CCDC192: variants seen among roughly 807,000 people sequenced by gnomAD.
CCDC192 encodes the protein coiled-coil domain-containing protein 192.
chr5:127,921,786 T>C (rs1753729712), intron 6 of CCDC192, among the ~76,000 whole-genome samples: 1 of 152,184 alleles, frequency 6.6e-6, no homozygotes, highest in South Asian at 2.1e-4. Flanking sequence ...TCTCTCTCCA[T>C]ACTGGGTCAG....
intron 3 of CCDC192, among the ~76,000 whole-genome samples, chr5:127,784,431 G>A (rs1465641968): frequency 2.6e-5 from 4 of 152,212 alleles, no homozygotes; most frequent in Admixed American, 6.5e-5. Flanking sequence ...TTACAGACAT[G>A]AAATGTATCT....
chr5:127,917,024 A>C (rs1054906876), intron 6 of CCDC192, among the ~76,000 whole-genome samples: 2 of 152,142 alleles, frequency 1.3e-5, no homozygotes, highest in Non-Finnish European at 2.9e-5. Context: ...AGCCTCCTCC[A>C]TTTGTTACCT....
intron 3 of CCDC192, 26 bp from the exon 4 acceptor site, chr5:127,797,077 T>C: frequency 5.0e-6 from 2 of 396,826 alleles, no homozygotes; most frequent in Admixed American, 4.4e-5. Context: ...TGTACTTACA[T>C]ACTCTTATAA....
chr5:127,831,074 G>T (rs1160742077), intron 5 of CCDC192, among the ~76,000 whole-genome samples: 1 of 152,100 alleles, frequency 6.6e-6, no homozygotes, highest in Non-Finnish European at 1.5e-5. Flanking sequence ...TGTACAAGCT[G>T]CAGCTCAGCT....
chr5:127,815,830 T>G (rs1229311755), intron 5 of CCDC192, among the ~76,000 whole-genome samples: 1 of 151,058 alleles, frequency 6.6e-6, no homozygotes. Flanking sequence ...GTTGCACCAT[T>G]GCACTCCAGC....
intron 6 of CCDC192, chr5:127,940,751 C>T (rs1754375250): frequency 6.6e-6 from 1 of 152,516 alleles, no homozygotes; most frequent in Non-Finnish European, 1.5e-5. Flanking sequence ...GTCCGGCCCT[C>T]ATTTTTTATT....
At chr5:127,847,260 C>T (rs1437083800) in intron 5 of CCDC192, among the ~76,000 whole-genome samples, 1 of 152,212 alleles carries the variant, frequency 6.6e-6, no homozygotes, top group Non-Finnish European at 1.5e-5. Context: ...ATCCTTGCCT[C>T]CTAGCCATCT....
chr5:127,741,197 A>T (rs752970180), intron 2 of CCDC192, among the ~76,000 whole-genome samples: 2 of 152,042 alleles, frequency 1.3e-5, no homozygotes, highest in Non-Finnish European at 2.9e-5. Context: ...AGTAGCTGGG[A>T]CTGCAGGCAC....
At chr5:127,827,645 A>T (rs1749591416) in intron 5 of CCDC192, among the ~76,000 whole-genome samples, 1 of 152,220 alleles carries the variant, frequency 6.6e-6, no homozygotes, top group Non-Finnish European at 1.5e-5. Flanking sequence ...GTCTATTGTC[A>T]TTAATTCAGC....
chr5:127,801,522 C>G (rs2126979699), intron 5 of CCDC192, among the ~76,000 whole-genome samples: 1 of 152,246 alleles, frequency 6.6e-6, no homozygotes, highest in East Asian at 1.9e-4. Context: ...TAGAATGGAG[C>G]TGCTATCTTT....
At chr5:127,767,732 T>C (rs1253374121) in intron 3 of CCDC192, among the ~76,000 whole-genome samples, 2 of 152,224 alleles carry the variant, frequency 1.3e-5, no homozygotes, top group Non-Finnish European at 2.9e-5. Flanking sequence ...ATTTCAATTA[T>C]TGATTGGCCT....
chr5:127,827,064 A>C (rs939544721), intron 5 of CCDC192, among the ~76,000 whole-genome samples: 7 of 152,232 alleles, frequency 4.6e-5, no homozygotes, highest in African/African-American at 1.2e-4. Context: ...TGAATGGATC[A>C]TGATTTGTGT....
At chr5:127,877,355 A>G (rs7729769) in intron 6 of CCDC192, among the ~76,000 whole-genome samples, 10,912 of 32,164 alleles carry the variant, frequency 0.34, 1,085 homozygotes, top group African/African-American at 0.54. Flanking sequence ...ATTTTTGTGG[A>G]TTTTTTTTTT....
chr5:127,703,571 A>C (rs1367654347), intron 1 of CCDC192, 64 bp downstream of exon 1: 2 of 396,636 alleles, frequency 5.0e-6, no homozygotes, highest in Non-Finnish European at 8.9e-6. Flanking sequence ...AGTAGCTTTC[A>C]CTCAGTACTT....
intron 3 of CCDC192, among the ~76,000 whole-genome samples, chr5:127,763,427 C>T (rs1035304097): frequency 3.9e-5 from 6 of 152,218 alleles, no homozygotes. Flanking sequence ...TCTCCACTAT[C>T]ACCATTTTTG....
At chr5:127,712,647 A>G (rs1354689235) in intron 2 of CCDC192, among the ~76,000 whole-genome samples, 1 of 152,200 alleles carries the variant, frequency 6.6e-6, no homozygotes, top group Non-Finnish European at 1.5e-5. Flanking sequence ...GACTAAGACA[A>G]TCCTTTGTCT....
chr5:127,834,629 T>G (rs1303279298), intron 5 of CCDC192, among the ~76,000 whole-genome samples: 1 of 152,164 alleles, frequency 6.6e-6, no homozygotes, highest in East Asian at 1.9e-4. Flanking sequence ...AGTTGAAAAA[T>G]AAGCCAAAAT....
intron 2 of CCDC192, among the ~76,000 whole-genome samples, chr5:127,712,760 C>T (rs988310780): frequency 5.9e-5 from 9 of 152,106 alleles, no homozygotes; most frequent in Non-Finnish European, 1.0e-4. Context: ...TTTCTTTTCT[C>T]TTGGGAAAAT....
At chr5:127,799,872 T>C (rs1008911825) in intron 5 of CCDC192, among the ~76,000 whole-genome samples, 3 of 152,198 alleles carry the variant, frequency 2.0e-5, no homozygotes, top group Admixed American at 2.0e-4. Flanking sequence ...CATGAAAGTT[T>C]TGCTTCAATG....
Sources: allele counts gnomAD v4.1 joint callset (sites outside exome capture counted in the v4.1 genomes callset), GRCh38; gene constraint gnomAD v4.1.1; transcripts MANE v1.5; gene names NCBI Gene and HGNC (gene_info 2026-07-23, HGNC 2026-07-21).